SNX21: variants seen among roughly 807,000 people sequenced by gnomAD.
SNX21 encodes sorting nexin-21.
Under a neutral mutation model 30.9 loss-of-function variants are expected in SNX21, and 36 were observed. That is an observed-to-expected ratio of 1.16 (90% CI 0.89 to 1.54). The LOEUF is 1.54. Ranked by LOEUF, SNX21 falls within the 40% of genes most tolerant of loss-of-function variation. The probability of loss-of-function intolerance (pLI) is 0.00; values close to 1 mark genes in which losing one functional copy is unlikely to be tolerated. For synonymous variants in SNX21, 218 were observed against 222.7 expected (o/e 0.98, Z 0.19); for missense variants, 508 against 516.5 (o/e 0.98, Z 0.16).
At position 45,833,903 on chromosome 20, in the gene SNX21, G is replaced by A; in HGVS notation, c.-17G>A. ...GGGGGGCTGCACCCGGACCCCTGGG[G>A]CGCGGCGCGCCCCTGAATGCACCGT... On this transcript the variant is annotated 5_prime_UTR_variant, in exon 1 of 4. Coordinates refer to ENST00000491381, the MANE Select transcript of SNX21 (RefSeq NM_033421.4). 4 of 1,382,874 alleles carry A rather than the reference G, an allele frequency of 2.9e-6. No homozygotes were observed. The highest frequency in any genetic ancestry group is 3.7e-6 in the Non-Finnish European group (4 of 1,068,594). The allele number at this position is 1,382,874 out of a possible 1,614,324, so 85.7% of individuals were successfully genotyped here. A position where few individuals can be genotyped will look rare whatever the true frequency, so the allele number is the denominator to read the frequency against.
At position 45,842,929 on chromosome 20, in the gene SNX21, G is replaced by C. The variant is rs575074166; in HGVS notation, c.*1616G>C. On this transcript the variant is annotated 3_prime_UTR_variant, in exon 4 of 4. Coordinates refer to ENST00000491381, the MANE Select transcript of SNX21 (RefSeq NM_033421.4). ...ATGTACTCCCTTGGAAAGGAGGTCA[G>C]GGTTCTGAAGCTAGACATTGATGAA... 7.4e-5 allele frequency: 75 copies of C among 1,007,630 alleles called. No homozygotes were observed. The South Asian group carries it at 1.0e-3, about 14-fold the overall frequency. The allele number at this position is 1,007,630 out of a possible 1,614,324, so 62.4% of individuals were successfully genotyped here. A position where few individuals can be genotyped will look rare whatever the true frequency, so the allele number is the denominator to read the frequency against.
At position 45,841,961 on chromosome 20, in the gene SNX21, G is replaced by C. The variant is rs756482650; in HGVS notation, c.*648G>C. On this transcript the variant is annotated 3_prime_UTR_variant, in exon 4 of 4. Coordinates refer to ENST00000491381, the MANE Select transcript of SNX21 (RefSeq NM_033421.4). ...GGACCAGCCCCCGAGAGCCACCTGT[G>C]GGTGAGGTGAAGGGTGATGATGGCC... 1 of 1,613,114 alleles carries C rather than the reference G, an allele frequency of 6.2e-7. No individual in the cohort carries two copies. The highest frequency in any genetic ancestry group is 8.5e-7 in the Non-Finnish European group (1 of 1,179,946).
In SNX21 at chr20:45,840,817, T is replaced by C. The variant is rs745665174; in HGVS notation, c.626T>C (p.Ile209Thr). ...CGCCGGAATTTTACTGCAGAGACCA[T>C]TGCCCGCCGTAGCCGGGCCTTTGAG... Reference protein sequence around the residue: ...RLRRNFTAETIARRSRAFEQF... With the variant: ...RLRRNFTAETTARRSRAFEQF... Residue 209 changes from isoleucine to threonine, a missense_variant, in exon 4 of 4, where the codon ATT (isoleucine) becomes ACT (threonine). Ile to Thr is a moderately conservative substitution (Grantham distance 89). Transcript: ENST00000491381. 31 of 1,613,702 alleles carry C rather than the reference T, an allele frequency of 1.9e-5. No homozygotes were observed. The highest frequency in any genetic ancestry group is 9.3e-5 in the African/African-American group (7 of 74,954).
Position 45,841,451 on chromosome 20 carries a change from C to T in SNX21, c.*138C>T. 1 of 1,434,126 alleles carries T rather than the reference C, an allele frequency of 7.0e-7. No homozygotes were observed. Among genetic ancestry groups the T allele is most frequent in the Non-Finnish European group, 9.1e-7 (1 of 1,099,400 alleles). The allele number at this position is 1,434,126 out of a possible 1,614,324, so 88.8% of individuals were successfully genotyped here. ...AGAAGTTCCAAAAGAGAATGTGAAG[C>T]AGATCAAGGAAACTTCTGTTGAGCT... On this transcript the variant is annotated 3_prime_UTR_variant, in exon 4 of 4. Transcript: ENST00000491381.
intron 1 of SNX21, 101 bp downstream of exon 1, chr20:45,834,041 C>CA: frequency 7.1e-7 from 1 of 1,413,404 alleles, no homozygotes. Flanking sequence ...GAAAGCGATG[C>CA]TGGCTGGGTC....
In SNX21 at chr20:45,842,819, G is replaced by T. The variant is rs556624690; in HGVS notation, c.*1506G>T. The T allele has an allele frequency of 1.2e-5, 12 of 991,920 alleles. No homozygotes were observed. In the South Asian group the frequency reaches 4.1e-4, roughly 34 times the overall value. The allele number at this position is 991,920 out of a possible 1,614,324, so 61.4% of individuals were successfully genotyped here. ...TCAATCTTGGATTGTGATGCTATTG[G>T]TACTTGAGAATACCCCTTATCTGAG... On this transcript the variant is annotated 3_prime_UTR_variant, in exon 4 of 4. Coordinates refer to ENST00000491381, the MANE Select transcript of SNX21 (RefSeq NM_033421.4).
chr20:45,840,251 C>T (rs975680718), intron 3 of SNX21: 1 of 1,448,518 alleles, frequency 6.9e-7, no homozygotes, highest in Non-Finnish European at 9.0e-7. Context: ...CAAAGTGGAA[C>T]AAGCTCCAAG....
In SNX21 at chr20:45,841,434, C is replaced by G. The variant is rs1051359936; in HGVS notation, c.*121C>G. On this transcript the variant is annotated 3_prime_UTR_variant, in exon 4 of 4. Coordinates refer to ENST00000491381, the MANE Select transcript of SNX21 (RefSeq NM_033421.4). ...GGGTGCTGGGAGCCCCTAGAAGTTC[C>G]AAAAGAGAATGTGAAGCAGATCAAG... 2 of 1,462,616 alleles carry G rather than the reference C, an allele frequency of 1.4e-6. No homozygotes were observed. Among genetic ancestry groups the G allele is most frequent in the African/African-American group, 2.8e-5 (2 of 70,186 alleles). The allele number at this position is 1,462,616 out of a possible 1,614,324, so 90.6% of individuals were successfully genotyped here. A position where few individuals can be genotyped will look rare whatever the true frequency, so the allele number is the denominator to read the frequency against.
At chr20:45,834,090 C>T in intron 1 of SNX21, 111 bp from the exon 2 acceptor site, 1 of 1,395,626 alleles carries the variant, frequency 7.2e-7, no homozygotes, top group Non-Finnish European at 9.4e-7. Flanking sequence ...GGGGGTGGGG[C>T]CTCACCGCGC....
At position 45,841,269 on chromosome 20, in the gene SNX21, C is replaced by T. The variant is rs879815897; in HGVS notation, c.1078C>T (p.Pro360Ser). The change falls in exon 4 of 4, where the codon CCC becomes TCC. Residue 360 changes from proline to serine, a missense_variant. Physicochemically the swap from Pro to Ser is moderately conservative, Grantham distance 74. Transcript: ENST00000491381. ...GGAGGCAGGCCTTACCCCCACACCA[C>T]CCCCCAGTCTCAAAGAATTGCTCAT... ...LQEAGLTPTPPPSLKELLIKE... is the reference protein window; with the variant it reads ...LQEAGLTPTPSPSLKELLIKE... 2.6e-5 allele frequency: 42 copies of T among 1,589,688 alleles called. No homozygotes were observed. The highest frequency in any genetic ancestry group is 8.9e-5 in the East Asian group (4 of 44,740).
At chr20:45,834,122 C>G in intron 1 of SNX21, 79 bp from the exon 2 acceptor site, 1 of 1,419,500 alleles carries the variant, frequency 7.0e-7, no homozygotes, top group Non-Finnish European at 9.2e-7. Context: ...CGGTTCGGGC[C>G]CCGCCCCTCC....
At position 45,841,424 on chromosome 20, in the gene SNX21, C is replaced by G; in HGVS notation, c.*111C>G. On this transcript the variant is annotated 3_prime_UTR_variant, in exon 4 of 4. Transcript: ENST00000491381. Reference sequence around the variant, plus strand: ...AGGCTGCAGAGGGTGCTGGGAGCCCCTAGAAGTTCCAAAAGAGAATGTGAA... The same window carrying G: ...AGGCTGCAGAGGGTGCTGGGAGCCCGTAGAAGTTCCAAAAGAGAATGTGAA... 3 of 1,472,552 alleles carry G rather than the reference C, an allele frequency of 2.0e-6. No homozygotes were observed. The highest frequency in any genetic ancestry group is 2.7e-6 in the Non-Finnish European group (3 of 1,115,952). 91.2% of individuals were successfully genotyped at this position (1,472,552 alleles called of 1,614,324 possible). A position where few individuals can be genotyped will look rare whatever the true frequency, so the allele number is the denominator to read the frequency against.
intron 3 of SNX21, among the ~76,000 whole-genome samples, chr20:45,837,751 A>G (rs1054526064): frequency 1.3e-5 from 2 of 151,428 alleles, no homozygotes; most frequent in African/African-American, 4.8e-5. Flanking sequence ...TCTTTAAATG[A>G]ACCTATTTTT....
Position 45,842,031 on chromosome 20 carries a change from A to C in SNX21, c.*718A>C. ...ACACTTTTTTTTTTTTTCCTGAAAC[A>C]GAGTCTCACTAAGTTGCCAGGCTGG... On this transcript the variant is annotated 3_prime_UTR_variant, in exon 4 of 4. Coordinates refer to ENST00000491381, the MANE Select transcript of SNX21 (RefSeq NM_033421.4). 1 of 1,568,950 alleles carries C rather than the reference A, an allele frequency of 6.4e-7. No individual in the cohort carries two copies. Among genetic ancestry groups the C allele is most frequent in the East Asian group, 2.3e-5 (1 of 42,982 alleles).
chr20:45,842,350 A>C lies in SNX21; in HGVS notation c.*1037A>C, dbSNP rs1984270743. On this transcript the variant is annotated 3_prime_UTR_variant, in exon 4 of 4. Coordinates refer to ENST00000491381, the MANE Select transcript of SNX21 (RefSeq NM_033421.4). ...TCCTCAAAAAGATCACAGAGGGAGG[A>C]GCTCTGAGAACAGTCTCCTTCAACA... 7.3e-7 allele frequency: 1 copy of C among 1,369,146 alleles called. No individual in the cohort carries two copies. The highest frequency in any genetic ancestry group is 3.3e-5 in the Admixed American group (1 of 30,124). 84.8% of individuals were successfully genotyped at this position (1,369,146 alleles called of 1,614,324 possible).
At chr20:45,837,839 C>A (rs1343751381) in intron 3 of SNX21, among the ~76,000 whole-genome samples, 3 of 150,568 alleles carry the variant, frequency 2.0e-5, no homozygotes, top group Non-Finnish European at 4.4e-5. Flanking sequence ...GTGGTGCAAT[C>A]TCAGCTCACT....
chr20:45,834,052 C>T (rs1983250520), intron 1 of SNX21, 112 bp downstream of exon 1: 9 of 1,412,004 alleles, frequency 6.4e-6, no homozygotes, highest in Non-Finnish European at 8.3e-6. Flanking sequence ...TGGCTGGGTC[C>T]CCTGGTTCGC....
intron 3 of SNX21, among the ~76,000 whole-genome samples, chr20:45,837,772 CT>C (rs71851130): frequency 0.021 from 3,046 of 146,550 alleles, 111 homozygotes; most frequent in African/African-American, 0.072. Context: ...TTTTCTTTAT[CT>C]TTTTTTTTTT....
In SNX21 at chr20:45,834,976, G is replaced by C. The variant is rs754875551; in HGVS notation, c.307G>C (p.Asp103His). ...GEDAERSPPPDGQWGSQLLAR... is the reference protein window; with the variant it reads ...GEDAERSPPPHGQWGSQLLAR... ...GTCTGCAGAACGGAGCCCCCCACCT[G>C]ATGGGCAGTGGGGCAGTCAGCTCCT... The change falls in exon 3 of 4, where the codon GAT (aspartate) becomes CAT (histidine). Residue 103 changes from aspartate to histidine, a missense_variant. Physicochemically the swap from Asp to His is moderately conservative, Grantham distance 81 (BLOSUM62 -1). Coordinates refer to ENST00000491381, the MANE Select transcript of SNX21 (RefSeq NM_033421.4). 6.2e-7 allele frequency: 1 copy of C among 1,614,034 alleles called. No individual in the cohort carries two copies. Among genetic ancestry groups the C allele is most frequent in the Non-Finnish European group, 8.5e-7 (1 of 1,179,956 alleles).
Sources: allele counts gnomAD v4.1 joint callset (sites outside exome capture counted in the v4.1 genomes callset), GRCh38; gene constraint gnomAD v4.1.1; transcripts MANE v1.5; gene names NCBI Gene and HGNC (gene_info 2026-07-23, HGNC 2026-07-21).